PTPN21: variants seen among roughly 807,000 people sequenced by gnomAD.
The protein encoded by PTPN21 is tyrosine-protein phosphatase non-receptor type 21.
Under a neutral mutation model 131.8 loss-of-function variants are expected in PTPN21, and 77 were observed. The ratio of observed to expected loss-of-function variants is 0.58; its 90% CI spans 0.49 to 0.71. The LOEUF is 0.71. Among genes scored for constraint, PTPN21 ranks in the 30% least tolerant of loss-of-function variants. The pLI is 0.00. For synonymous variants in PTPN21, 715 were observed against 621.3 expected, an observed-to-expected ratio of 1.15 and a Z score of -2.24; for missense variants, 1,552 against 1,527.1, an observed-to-expected ratio of 1.02 and a Z score of -0.27.
chr14:88,494,539 G>A (rs1301443926), intron 10 of PTPN21, among the ~76,000 whole-genome samples: 2 of 152,132 alleles, frequency 1.3e-5, no homozygotes, highest in Non-Finnish European at 2.9e-5. Flanking sequence ...GTACACACCT[G>A]TGGTACCAGC....
intron 2 of PTPN21, 112 bp downstream of exon 2, chr14:88,550,126 C>G (rs1320690892): frequency 3.5e-6 from 4 of 1,127,486 alleles, no homozygotes; most frequent in Non-Finnish European, 5.0e-6. Flanking sequence ...GTTGGCCAGG[C>G]TAGGCTCGAA....
rs760103420 is a variant in PTPN21 at position 88,479,162 on chromosome 14, T to A, written c.2269A>T (p.Ile757Phe). ...PRVLLAGPLHILEPKAHVPDA... is the reference protein window; with the variant it reads ...PRVLLAGPLHFLEPKAHVPDA... ...GGGACGTGGGCCTTGGGCTCCAGGA[T>A]GTGCAGGGGCCCGGCGAGCAGGACG... Residue 757 changes from isoleucine to phenylalanine, a missense_variant, in exon 13 of 19, where the codon ATC (isoleucine) becomes TTC (phenylalanine). Coordinates refer to ENST00000556564, the MANE Select transcript of PTPN21 (RefSeq NM_007039.4). 2.2e-5 allele frequency: 34 copies of A among 1,552,046 alleles called. No individual in the cohort carries two copies. The highest frequency in any genetic ancestry group is 2.8e-5 in the African/African-American group (2 of 72,330).
chr14:88,530,336 A>C (rs930888505), intron 2 of PTPN21, among the ~76,000 whole-genome samples: 4 of 152,202 alleles, frequency 2.6e-5, no homozygotes, highest in South Asian at 2.1e-4. Flanking sequence ...TTAAAGCATA[A>C]ATCTCACAGG....
chr14:88,503,419 T>C (rs566303234), intron 6 of PTPN21, among the ~76,000 whole-genome samples: 8 of 152,336 alleles, frequency 5.3e-5, no homozygotes, highest in African/African-American at 1.9e-4. Context: ...GTTATAAGAA[T>C]TTAATGATAG....
chr14:88,518,405 TATATATATA>T (rs1394810350), intron 2 of PTPN21, among the ~76,000 whole-genome samples: 3 of 24,524 alleles, frequency 1.2e-4, no homozygotes, highest in South Asian at 2.8e-3. Flanking sequence ...TATATATATA[TATATATATA>T]TTTTTTTTTT....
chr14:88,501,213 T>C (rs2078002822), intron 7 of PTPN21, 68 bp downstream of exon 7: 1 of 1,376,704 alleles, frequency 7.3e-7, no homozygotes, highest in Non-Finnish European at 1.0e-6. Context: ...CATCCTTGGA[T>C]TTCCCCATGA....
chr14:88,483,068 C>T (rs982210760), intron 12 of PTPN21, among the ~76,000 whole-genome samples: 1 of 151,422 alleles, frequency 6.6e-6, no homozygotes, highest in South Asian at 2.1e-4. Flanking sequence ...AAAAATTAGC[C>T]GGGCGTGGTG....
chr14:88,481,778 G>A (rs930316497), intron 12 of PTPN21, among the ~76,000 whole-genome samples: 35 of 152,302 alleles, frequency 2.3e-4, no homozygotes, highest in African/African-American at 7.2e-4. Flanking sequence ...TGGGGTGGGC[G>A]TGTCCAGCTT....
intron 2 of PTPN21, among the ~76,000 whole-genome samples, chr14:88,546,962 T>C (rs371319097): frequency 2.6e-5 from 4 of 152,316 alleles, no homozygotes; most frequent in African/African-American, 9.6e-5. Flanking sequence ...ATGTTGGAAA[T>C]TGTGGGACAG....
intron 2 of PTPN21, among the ~76,000 whole-genome samples, chr14:88,523,193 T>C (rs76559451): frequency 0.24 from 36,018 of 151,786 alleles, 4,434 homozygotes; most frequent in East Asian, 0.32. Context: ...GCAAAAATCC[T>C]AAGCAAATAT....
intron 3 of PTPN21, among the ~76,000 whole-genome samples, chr14:88,508,736 G>T (rs1342550114): frequency 2.0e-5 from 3 of 152,146 alleles, no homozygotes; most frequent in African/African-American, 7.2e-5. Context: ...CCTAGCACTG[G>T]AAAGTAAAGC....
rs2077391695 is a variant in PTPN21 at position 88,468,024 on chromosome 14, C to G, written c.*113G>C. ...CATTCAGACTGCGCCACTTACGTCC[C>G]AGTGCCACGCTGCGTGGATCAAGTG... On this transcript the variant is annotated 3_prime_UTR_variant, in exon 19 of 19. Transcript: ENST00000556564. 7.5e-7 allele frequency: 1 copy of G among 1,336,298 alleles called. No individual in the cohort carries two copies. The highest frequency in any genetic ancestry group is 1.5e-5 in the African/African-American group (1 of 67,690). 82.8% of individuals were successfully genotyped at this position (1,336,298 alleles called of 1,614,324 possible). A position where few individuals can be genotyped will look rare whatever the true frequency, so the allele number is the denominator to read the frequency against.
intron 1 of PTPN21, chr14:88,551,255 C>G (rs951621402): frequency 7.2e-5 from 11 of 152,278 alleles, no homozygotes; most frequent in Admixed American, 2.6e-4. Context: ...AGTGGCAGTT[C>G]TGAAAATCCA....
intron 12 of PTPN21, among the ~76,000 whole-genome samples, chr14:88,482,117 C>T (rs984902757): frequency 2.6e-5 from 4 of 152,336 alleles, no homozygotes; most frequent in Admixed American, 6.5e-5. Flanking sequence ...CCTGCCTATC[C>T]GGTCTGCATG....
rs2077357209 is a variant in PTPN21 at position 88,466,037 on chromosome 14, G to C, written c.*2100C>G. On this transcript the variant is annotated 3_prime_UTR_variant, in exon 19 of 19. Transcript: ENST00000556564. ...TATGTCAAACTGTTTGTTTAAACCTGACAGAAAAGCATTTTCACAAAAACG... is the reference window on the plus strand; with the variant it reads ...TATGTCAAACTGTTTGTTTAAACCTCACAGAAAAGCATTTTCACAAAAACG... The C allele has an allele frequency of 6.6e-6, 1 of 151,272 alleles. No homozygotes were observed. The highest frequency in any genetic ancestry group is 6.6e-5 in the Admixed American group (1 of 15,120). The allele number at this position is 151,272 out of a possible 1,614,324, so 9.4% of individuals were successfully genotyped here.
chr14:88,480,345 G>A lies in PTPN21; in HGVS notation c.1086C>T (p.Leu362=). The A allele has an allele frequency of 6.2e-7, 1 of 1,605,436 alleles. No homozygotes were observed. ...AGTATCCGTTCTGGTTGGGCACAAA[G>A]AGGTTATCTAGAAAAAATGAGTTCA... ...TEPYASSQDN[L]FVPNQNGYYC... Residue 362 remains leucine, a synonymous_variant, in exon 13 of 19, where the codon CTC becomes CTT. Coordinates refer to ENST00000556564, the MANE Select transcript of PTPN21 (RefSeq NM_007039.4).
At chr14:88,550,088 A>G (rs1418342955) in intron 2 of PTPN21, 150 bp downstream of exon 2, 2 of 802,068 alleles carry the variant, frequency 2.5e-6, no homozygotes, top group Admixed American at 2.8e-5. Flanking sequence ...CCGGCCTTGT[A>G]TTTTTAGTAG....
chr14:88,524,187 T>A (rs973108151), intron 2 of PTPN21, among the ~76,000 whole-genome samples: 1 of 152,138 alleles, frequency 6.6e-6, no homozygotes, highest in Admixed American at 6.5e-5. Context: ...TGAAAAAGAA[T>A]AACAAAATTG....
chr14:88,472,176 A>G (rs889883608), intron 15 of PTPN21, 68 bp downstream of exon 15: 22 of 887,460 alleles, frequency 2.5e-5, no homozygotes, highest in African/African-American at 1.0e-4. Context: ...CATGAATACA[A>G]TTCTTACCAT....
Sources: allele counts gnomAD v4.1 joint callset (sites outside exome capture counted in the v4.1 genomes callset), GRCh38; gene constraint gnomAD v4.1.1; transcripts MANE v1.5; gene names NCBI Gene and HGNC (gene_info 2026-07-23, HGNC 2026-07-21).